The following SORCS2 variants were observed in gnomAD, a reference collection of about 807,000 sequenced individuals.
SORCS2 encodes VPS10 domain-containing receptor SorCS2.
A neutral mutation model predicts 141.6 loss-of-function variants in SORCS2; 100 were observed. That is an observed-to-expected ratio of 0.71 (90% CI 0.60 to 0.83). SORCS2 has a LOEUF of 0.83. SORCS2 is among the 40% of genes least tolerant of loss of function. The pLI is 0.00. For missense variants in SORCS2, 1,646 were observed against 1,560.2 expected (o/e 1.05, Z -0.93); for synonymous variants, 789 against 676.9 (o/e 1.17, Z -2.57).
intron 8 of SORCS2, among the ~76,000 whole-genome samples, chr4:7,667,788 A>G (rs1722587515): frequency 6.6e-6 from 1 of 152,216 alleles, no homozygotes; most frequent in Non-Finnish European, 1.5e-5. Flanking sequence ...GGGATTGCCC[A>G]ACTCTGCCCC....
intron 8 of SORCS2, among the ~76,000 whole-genome samples, chr4:7,674,182 G>A (rs977901474): frequency 6.6e-6 from 1 of 151,840 alleles, no homozygotes; most frequent in Non-Finnish European, 1.5e-5. Flanking sequence ...GTGTGTCTCG[G>A]TGCCAGTCAT....
At chr4:7,621,616 G>A (rs1158512789) in intron 3 of SORCS2, among the ~76,000 whole-genome samples, 1 of 152,098 alleles carries the variant, frequency 6.6e-6, no homozygotes, top group Non-Finnish European at 1.5e-5. Context: ...TGTATTTTGG[G>A]GGTGGTGGTG....
chr4:7,347,359 G>A (rs1720701633), intron 1 of SORCS2, among the ~76,000 whole-genome samples: 1 of 152,170 alleles, frequency 6.6e-6, no homozygotes, highest in Admixed American at 6.5e-5. Flanking sequence ...GAATTCCCAT[G>A]GGCCACGCCT....
intron 17 of SORCS2, among the ~76,000 whole-genome samples, chr4:7,715,980 A>T (rs1726161074): frequency 6.6e-6 from 1 of 152,252 alleles, no homozygotes; most frequent in African/African-American, 2.4e-5. Flanking sequence ...GGTTTGCTGA[A>T]TACAAGCTGT....
At chr4:7,281,465 C>T (rs1308120820) in intron 1 of SORCS2, among the ~76,000 whole-genome samples, 1 of 152,196 alleles carries the variant, frequency 6.6e-6, no homozygotes, top group Non-Finnish European at 1.5e-5. Flanking sequence ...TGCGTCCCCT[C>T]CGCCTCCAGC....
At chr4:7,428,985 C>T (rs960244154) in intron 2 of SORCS2, among the ~76,000 whole-genome samples, 7 of 152,274 alleles carry the variant, frequency 4.6e-5, no homozygotes, top group African/African-American at 1.7e-4. Context: ...TTAGTTGTCA[C>T]TGTAACCTGG....
chr4:7,397,077 G>A (rs1028360305), intron 2 of SORCS2, among the ~76,000 whole-genome samples: 2 of 152,166 alleles, frequency 1.3e-5, no homozygotes, highest in Non-Finnish European at 2.9e-5. Flanking sequence ...CTCTGGGTGT[G>A]AAACCATTTT....
intron 14 of SORCS2, among the ~76,000 whole-genome samples, chr4:7,707,906 G>GCACAGCTCACACAGCTCA (rs148157929): frequency 6.6e-6 from 1 of 152,110 alleles, no homozygotes; most frequent in African/African-American, 2.4e-5. Context: ...GGCCCAGCCA[G>GCACAGCTCACACAGCTCA]CACAGCTCAC....
intron 1 of SORCS2, among the ~76,000 whole-genome samples, chr4:7,278,105 C>T (rs2108853891): frequency 6.6e-6 from 1 of 152,328 alleles, no homozygotes; most frequent in East Asian, 1.9e-4. Flanking sequence ...AGCCAGGTCC[C>T]TATCCCAGGG....
At position 7,410,509 on chromosome 4, in the gene SORCS2, C is replaced by G. The variant is rs554706732; in HGVS notation, c.548+14154C>G. Among the ~76,000 whole-genome samples the G allele has an allele frequency of 9.8e-5, 15 of 152,300 alleles. 1 individual carries two copies. The highest frequency in any genetic ancestry group is 9.8e-4 in the Admixed American group (15 of 15,300). On this transcript the variant is annotated intron_variant, in intron 2 of 26. Coordinates refer to ENST00000507866, the MANE Select transcript of SORCS2 (RefSeq NM_020777.3). ...CTAAACATTCAGACCTCATTGTAGA[C>G]CTCATGGGCTCTTATGAAGATGACA...
intron 1 of SORCS2, among the ~76,000 whole-genome samples, chr4:7,384,257 G>A (rs1353298422): frequency 6.6e-6 from 1 of 152,204 alleles, no homozygotes; most frequent in East Asian, 1.9e-4. Context: ...CCCCCAAATG[G>A]GGACAACATG....
At chr4:7,515,258 C>T (rs1045290811) in intron 2 of SORCS2, among the ~76,000 whole-genome samples, 2 of 152,230 alleles carry the variant, frequency 1.3e-5, no homozygotes, top group Non-Finnish European at 2.9e-5. Flanking sequence ...CACCATACTT[C>T]CTCCACGGGA....
At chr4:7,699,678 C>T (rs781084179) in intron 12 of SORCS2, among the ~76,000 whole-genome samples, 89 of 152,120 alleles carry the variant, frequency 5.9e-4, no homozygotes, top group African/African-American at 1.3e-3. Context: ...GAATCATGCT[C>T]GGGCATGGCA....
chr4:7,724,830 T>G (rs1200061675), intron 19 of SORCS2, among the ~76,000 whole-genome samples: 1 of 137,744 alleles, frequency 7.3e-6, no homozygotes, highest in Non-Finnish European at 1.6e-5. Flanking sequence ...ATGGCAGTGA[T>G]GATGGTGGAG....
intron 1 of SORCS2, among the ~76,000 whole-genome samples, chr4:7,344,895 T>C (rs1720569081): frequency 6.6e-6 from 1 of 150,996 alleles, no homozygotes; most frequent in South Asian, 2.1e-4. Flanking sequence ...GGAGGGGGAG[T>C]CTGGAAGCTT....
Position 7,659,531 on chromosome 4 carries a change from C to T in SORCS2, c.888-1969C>T, listed in dbSNP as rs761557004. On this transcript the variant is annotated intron_variant, in intron 5 of 26. Transcript: ENST00000507866. The stretch of plus-strand genomic sequence containing the variant: ...TGGATGGGTGGATGTCCCTCAAAGG[C>T]GAGGCTTTCAGACTTGCCAACCCTG... Among the ~76,000 whole-genome samples the T allele has an allele frequency of 1.1e-4, 16 of 152,158 alleles. 1 individual carries two copies. The highest frequency in any genetic ancestry group is 1.8e-4 in the Non-Finnish European group (12 of 68,036).
intron 1 of SORCS2, among the ~76,000 whole-genome samples, chr4:7,276,151 C>G (rs561209446): frequency 6.6e-6 from 1 of 152,174 alleles, no homozygotes; most frequent in Admixed American, 6.5e-5. Flanking sequence ...TCATAGCCTC[C>G]GTGGCTCCAT....
At chr4:7,334,731 G>C (rs1396519974) in intron 1 of SORCS2, among the ~76,000 whole-genome samples, 2 of 152,160 alleles carry the variant, frequency 1.3e-5, no homozygotes, top group Non-Finnish European at 2.9e-5. Context: ...ATAATGATCA[G>C]GTGGGGAGGT....
At position 7,682,752 on chromosome 4, in the gene SORCS2, G is replaced by C; in HGVS notation, c.1351G>C (p.Val451Leu). Residue 451 changes from valine (V) to leucine (L), a missense_variant, in exon 10 of 27, where the codon GTG becomes CTG. Transcript: ENST00000507866. Reference protein sequence around the residue: ...VLIDILEVRGVKGVFLANQKI... With the variant: ...VLIDILEVRGLKGVFLANQKI... ...TTTATTTTTGTCCCAGGTCAGAGGG[G>C]TGAAAGGAGTCTTCCTGGCAAACCA... 1 of 1,610,486 alleles carries C rather than the reference G, an allele frequency of 6.2e-7. No individual in the cohort carries two copies. Among genetic ancestry groups the C allele is most frequent in the Non-Finnish European group, 8.5e-7 (1 of 1,178,284 alleles).
Sources: gnomAD v4.1 joint callset for allele counts (sites outside exome capture counted in the v4.1 genomes callset) on GRCh38, gnomAD v4.1.1 for gene constraint, MANE v1.5 for transcripts, NCBI Gene and HGNC (gene_info 2026-07-23, HGNC 2026-07-21) for gene names.